RAG1: variants seen among roughly 807,000 people sequenced by gnomAD.
The protein encoded by RAG1 is V(D)J recombination-activating protein 1.
RAG1 carries 35 observed loss-of-function variants against 62.7 expected under a neutral mutation model. The ratio of observed to expected loss-of-function variants is 0.56; its 90% confidence interval spans 0.43 to 0.74. The LOEUF (loss-of-function observed/expected upper bound fraction) is 0.74, where lower values mean the gene tolerates loss of function less well. RAG1 is among the 30% of genes least tolerant of loss of function. RAG1 has a pLI of 0.00. For missense variants in RAG1, 1,169 were observed against 1,278.6 expected, an observed-to-expected ratio of 0.91 and a Z score of 1.31; for synonymous variants, 461 against 470.3, an observed-to-expected ratio of 0.98 and a Z score of 0.26.
chr11:36,576,018 G>A lies in RAG1; in HGVS notation c.2714G>A (p.Cys905Tyr), dbSNP rs781486760. Reference protein sequence around the residue: ...VWRSSCPAKECPESLCQYSFN... With the variant: ...VWRSSCPAKEYPESLCQYSFN... ...CGATCATCATGCCCTGCTAAAGAGTGCCCAGAATCCCTCTGCCAGTACAGT... is the reference window on the plus strand; with the variant it reads ...CGATCATCATGCCCTGCTAAAGAGTACCCAGAATCCCTCTGCCAGTACAGT... The change falls in exon 2 of 2, where the codon TGC becomes TAC. Residue 905 changes from cysteine to tyrosine, a missense_variant. By Grantham distance (194) the Cys-to-Tyr change is radical. Transcript: ENST00000299440. 1 of 1,614,148 alleles carries A rather than the reference G, an allele frequency of 6.2e-7. No individual in the cohort carries two copies.
At chr11:36,565,249 T>G (rs1271802427), upstream of RAG1, among the ~76,000 whole-genome samples, 1 of 151,794 alleles carries the variant, frequency 6.6e-6, no homozygotes, top group South Asian at 2.1e-4. Context: ...GCTGCAGGAG[T>G]AGATTTTGAT....
At chr11:36,545,170 G>C (rs1274156533) in intron 3 of RAG1, among the ~76,000 whole-genome samples, 2 of 152,124 alleles carry the variant, frequency 1.3e-5, no homozygotes, top group East Asian at 3.8e-4. Context: ...TTGCATTAAA[G>C]TATATCTGAA....
chr11:36,531,713 G>C (rs1426813852), intron 2 of RAG1, among the ~76,000 whole-genome samples: 1 of 151,498 alleles, frequency 6.6e-6, no homozygotes, highest in Non-Finnish European at 1.5e-5. Context: ...TGATATTTTA[G>C]TTACCATGTG....
chr11:36,560,384 C>T (rs918041402), intron 3 of RAG1, among the ~76,000 whole-genome samples: 6 of 152,050 alleles, frequency 3.9e-5, no homozygotes, highest in Non-Finnish European at 7.4e-5. Flanking sequence ...GTGCAGGGCA[C>T]TGTGTGGGCT....
Position 36,576,379 on chromosome 11 carries a change from AG to A in RAG1, c.3079del (p.Asp1027ThrfsTer3), listed in dbSNP as rs1302203062. 6.2e-7 allele frequency: 1 copy of A among 1,614,174 alleles called. No individual in the cohort carries two copies. Reference sequence around the variant, plus strand: ...TTACCATGAACCCTCAGGCAAGCTTAGGGGACCCATTAGGCATAGAGGACTC... The same window carrying A: ...TTACCATGAACCCTCAGGCAAGCTTAGGGACCCATTAGGCATAGAGGACTC... Reference protein sequence around the residue: ...GFTMNPQASLGDPLGIEDSLE... With the variant: ...GFTMNPQASLXDPLGIEDSLE... On this transcript the variant is annotated frameshift_variant, in exon 2 of 2. Coordinates refer to ENST00000299440, the MANE Select transcript of RAG1 (RefSeq NM_000448.3). LOFTEE classifies it high-confidence loss of function.
At chr11:36,526,031 C>T (rs544391304) in intron 2 of RAG1, among the ~76,000 whole-genome samples, 4 of 152,258 alleles carry the variant, frequency 2.6e-5, no homozygotes, top group Admixed American at 6.5e-5. Context: ...AGTCTTGCAT[C>T]CTTGAGATAA....
upstream of RAG1, chr11:36,510,377 G>A (rs1270307655): frequency 1.3e-5 from 2 of 152,340 alleles, no homozygotes; most frequent in African/African-American, 4.8e-5. Flanking sequence ...ACTGTGGCGC[G>A]GGCCGGGCGG....
intron 1 of RAG1, among the ~76,000 whole-genome samples, chr11:36,569,210 A>G (rs1011312546): frequency 3.3e-5 from 5 of 152,172 alleles, no homozygotes; most frequent in Non-Finnish European, 2.9e-5. Flanking sequence ...TGCACTGTCC[A>G]AGCCACCCCA....
chr11:36,524,489 A>G (rs1032999512), intron 2 of RAG1, among the ~76,000 whole-genome samples: 1 of 137,012 alleles, frequency 7.3e-6, no homozygotes. Flanking sequence ...GGTGTGTGCT[A>G]TTTTTTTTTT....
rs183783819 is a variant in RAG1, at chr11:36,534,160, A to T, written n.429-1799A>T. On this transcript the variant is annotated intron_variant and non_coding_transcript_variant, in intron 2 of 2. Coordinates refer to the RAG1 transcript ENST00000529126. Reference sequence around the variant, plus strand: ...CATAATTGCTCTCTTCAGACAGGCTACTTCTTAAGCAATTTAAATTATAAG... The same window carrying T: ...CATAATTGCTCTCTTCAGACAGGCTTCTTCTTAAGCAATTTAAATTATAAG... Among the ~76,000 whole-genome samples the T allele has an allele frequency of 3.9e-5, 6 of 152,256 alleles. No homozygotes were observed. In the East Asian group the frequency reaches 1.2e-3, roughly 29 times the overall value.
chr11:36,546,812 A>T (rs1231414676), intron 3 of RAG1, among the ~76,000 whole-genome samples: 1 of 151,980 alleles, frequency 6.6e-6, no homozygotes, highest in African/African-American at 2.4e-5. Flanking sequence ...ACTGTAAAGG[A>T]TTTTATTTCT....
chr11:36,520,768 C>A (rs1564974837), intron 2 of RAG1, among the ~76,000 whole-genome samples: 1 of 152,174 alleles, frequency 6.6e-6, no homozygotes, highest in Non-Finnish European at 1.5e-5. Flanking sequence ...TAGTTGAGAT[C>A]TTAACTCTTA....
chr11:36,573,113 A>T (rs757854948), intron 1 of RAG1, among the ~76,000 whole-genome samples, 178 bp from the exon 2 acceptor site: 11 of 152,252 alleles, frequency 7.2e-5, no homozygotes, highest in Non-Finnish European at 1.2e-4. Context: ...AAACACTGTC[A>T]GAAGAGGAAA....
At chr11:36,563,313 T>C (rs2133282486), upstream of RAG1, 1 of 152,358 alleles carries the variant, frequency 6.6e-6, no homozygotes, top group South Asian at 2.1e-4. Flanking sequence ...AAGGCCCAGA[T>C]AGAACAAAGA....
At chr11:36,561,433 A>G (rs1461712509) in intron 3 of RAG1, among the ~76,000 whole-genome samples, 1 of 152,048 alleles carries the variant, frequency 6.6e-6, no homozygotes, top group Non-Finnish European at 1.5e-5. Flanking sequence ...TGCCCTACCA[A>G]TTACTCCAGA....
At chr11:36,543,046 G>C (rs777080371) in intron 3 of RAG1, among the ~76,000 whole-genome samples, 9 of 152,072 alleles carry the variant, frequency 5.9e-5, no homozygotes, top group African/African-American at 2.2e-4. Flanking sequence ...AGATTTGAAC[G>C]AGTCACTACT....
In RAG1 at chr11:36,518,715, G is replaced by T. The variant is rs373742279; in HGVS notation, n.331-1417G>T. Among the ~76,000 whole-genome samples, 118 of 152,106 alleles carry T rather than the reference G, an allele frequency of 7.8e-4. No homozygotes were observed. In the South Asian group the frequency reaches 0.015, roughly 20 times the overall value. On this transcript the variant is annotated intron_variant and non_coding_transcript_variant, in intron 1 of 2. Transcript: ENST00000529126. ...TTGGTTTTTTTCTTGTAAATTTGTT[G>T]GAGTTCATTGTAGATTCTGGATATT...
At chr11:36,542,379 C>T (rs1033123670) in intron 3 of RAG1, among the ~76,000 whole-genome samples, 1 of 152,142 alleles carries the variant, frequency 6.6e-6, no homozygotes, top group African/African-American at 2.4e-5. Context: ...AGTTTATTAT[C>T]GACCTCTATC....
At chr11:36,545,640 T>C (rs1011597676) in intron 3 of RAG1, among the ~76,000 whole-genome samples, 2 of 152,222 alleles carry the variant, frequency 1.3e-5, no homozygotes, top group Non-Finnish European at 2.9e-5. Flanking sequence ...TTGCTGTCCA[T>C]ACAAGTTGGA....
Sources: gnomAD v4.1 joint callset for allele counts (sites outside exome capture counted in the v4.1 genomes callset) on GRCh38, gnomAD v4.1.1 for gene constraint, MANE v1.5 for transcripts, NCBI Gene and HGNC (gene_info 2026-07-23, HGNC 2026-07-21) for gene names.